Variants in IMMP2L observed in about 807,000 individuals in gnomAD.
The protein encoded by IMMP2L is mitochondrial inner membrane protease subunit 2.
In IMMP2L, 18 loss-of-function variants were observed where a neutral mutation model predicts 19.3. That is an observed-to-expected ratio of 0.93 (90% CI 0.64 to 1.38). The LOEUF (loss-of-function observed/expected upper bound fraction) is 1.38, where lower values mean the gene tolerates loss of function less well. Among genes scored for constraint, IMMP2L ranks in the 40% most tolerant of loss-of-function variants. The pLI is 0.00. For missense variants in IMMP2L, 233 were observed against 218.2 expected (o/e 1.07, Z -0.43); for synonymous variants, 76 against 73.0 (o/e 1.04, Z -0.21).
chr7:111,167,038 C>A (rs978405733), intron 3 of IMMP2L, among the ~76,000 whole-genome samples: 1 of 151,984 alleles, frequency 6.6e-6, no homozygotes, highest in Non-Finnish European at 1.5e-5. Context: ...ATTCAACCCA[C>A]TACACCACAG....
chr7:110,872,547 C>T (rs932974767), intron 5 of IMMP2L, among the ~76,000 whole-genome samples: 1 of 152,176 alleles, frequency 6.6e-6, no homozygotes, highest in Non-Finnish European at 1.5e-5. Context: ...TTCCATGGAG[C>T]TGCCATAATT....
intron 3 of IMMP2L, among the ~76,000 whole-genome samples, chr7:110,967,455 C>G (rs1819661990): frequency 6.6e-6 from 1 of 152,012 alleles, no homozygotes; most frequent in Non-Finnish European, 1.5e-5. Flanking sequence ...TAAGCATTCT[C>G]TTCTCCCATT....
chr7:110,810,156 T>C (rs1801931712), intron 5 of IMMP2L, among the ~76,000 whole-genome samples: 1 of 152,088 alleles, frequency 6.6e-6, no homozygotes, highest in South Asian at 2.1e-4. Context: ...TCTTAATTTC[T>C]TTCTTCTCAC....
At chr7:111,162,763 C>G (rs1474246013) in intron 3 of IMMP2L, among the ~76,000 whole-genome samples, 3 of 151,990 alleles carry the variant, frequency 2.0e-5, no homozygotes, top group East Asian at 1.9e-4. Context: ...CTGATCTCCG[C>G]TTGACTAAGC....
intron 3 of IMMP2L, among the ~76,000 whole-genome samples, chr7:111,259,119 A>G (rs1269274518): frequency 6.6e-6 from 1 of 152,120 alleles, no homozygotes; most frequent in East Asian, 1.9e-4. Flanking sequence ...GTCTAAACAT[A>G]GAAAAGGTAA....
rs528729266 is a variant in IMMP2L, at chr7:111,198,545, C to T, written c.240-234980G>A. Among the ~76,000 whole-genome samples the T allele has an allele frequency of 2.0e-5, 3 of 152,290 alleles. No individual in the cohort carries two copies. The East Asian group carries it at 5.8e-4, about 29-fold the overall frequency. On this transcript the variant is annotated intron_variant, in intron 3 of 5. Transcript: ENST00000405709. ...TGAAGCAGTGATTCATACTTTCCAG[C>T]ATGTATCACATGCTGCAATCAAACT...
At chr7:110,859,393 A>T (rs1013140837) in intron 5 of IMMP2L, among the ~76,000 whole-genome samples, 2 of 152,046 alleles carry the variant, frequency 1.3e-5, no homozygotes, top group East Asian at 3.9e-4. Flanking sequence ...AAAATATTTC[A>T]GAGCAAAATT....
At chr7:111,501,412 C>A (rs1268384673) in intron 2 of IMMP2L, among the ~76,000 whole-genome samples, 3 of 152,100 alleles carry the variant, frequency 2.0e-5, no homozygotes, top group Non-Finnish European at 4.4e-5. Flanking sequence ...GGATATTATC[C>A]AGGAGAACTT....
chr7:110,757,141 C>T lies in IMMP2L; in HGVS notation c.409-93420G>A, dbSNP rs553861401. 4.0e-5 allele frequency among the ~76,000 whole-genome samples: 6 copies of T among 151,860 alleles called. No homozygotes were observed. Among genetic ancestry groups the T allele is most frequent in the South Asian group, 4.2e-4 (2 of 4,818 alleles). On this transcript the variant is annotated intron_variant, in intron 5 of 5. Transcript: ENST00000405709. This position sits in a 1 kb window ranked among gnomAD's most constrained non-coding sequence, Gnocchi z 4.2. ...ATAGCATGTTAGTTAGATTGAAATA[C>T]GCGTAATGGAGAAAAATAAAGTCAG...
chr7:110,939,765 A>G (rs1816533118), intron 4 of IMMP2L, among the ~76,000 whole-genome samples: 1 of 152,200 alleles, frequency 6.6e-6, no homozygotes, highest in East Asian at 1.9e-4. Flanking sequence ...TATTCATTGC[A>G]TCAACAATAG....
intron 1 of IMMP2L, among the ~76,000 whole-genome samples, chr7:111,527,417 CA>C (rs1454755677): frequency 7.8e-5 from 7 of 89,526 alleles, no homozygotes; most frequent in South Asian, 3.6e-4. Flanking sequence ...ACCCTGTCTC[CA>C]AAAAGGGGGG....
chr7:110,875,919 C>G (rs184315657), intron 5 of IMMP2L, among the ~76,000 whole-genome samples: 1 of 152,098 alleles, frequency 6.6e-6, no homozygotes, highest in Admixed American at 6.6e-5. Context: ...TGAGTACGTC[C>G]TAATTTAAAT....
At chr7:111,086,533 T>C (rs565423587) in intron 3 of IMMP2L, among the ~76,000 whole-genome samples, 1 of 152,246 alleles carries the variant, frequency 6.6e-6, no homozygotes, top group South Asian at 2.1e-4. Context: ...CAAAACTCCT[T>C]TGAAAAAGAA....
At chr7:111,078,119 G>A (rs567129651) in intron 3 of IMMP2L, among the ~76,000 whole-genome samples, 3 of 152,048 alleles carry the variant, frequency 2.0e-5, no homozygotes, top group South Asian at 2.1e-4. Flanking sequence ...CCTATTTATC[G>A]TCTACCTCTT....
chr7:110,807,994 GT>G (rs1801745204), intron 5 of IMMP2L, among the ~76,000 whole-genome samples: 1 of 151,904 alleles, frequency 6.6e-6, no homozygotes, highest in Non-Finnish European at 1.5e-5. Context: ...TTACAAATGA[GT>G]TTGCTAAAAT....
rs955705985 is a variant in IMMP2L, at chr7:111,562,427, C to CG, written c.-580_-579insC. The CG allele has an allele frequency of 2.6e-5, 4 of 151,554 alleles. No individual in the cohort carries two copies. The highest frequency in any genetic ancestry group is 9.7e-5 in the African/African-American group (4 of 41,300). The allele number at this position is 151,554 out of a possible 1,614,324, so 9.4% of individuals were successfully genotyped here. A position where few individuals can be genotyped will look rare whatever the true frequency, so the allele number is the denominator to read the frequency against. Reference sequence around the variant, plus strand: ...GACCCCTGCCAGCCTCACAGCCCCCCACCCGCCGCCGGACGCCGGGCGCCC... The same window carrying CG: ...GACCCCTGCCAGCCTCACAGCCCCCCGACCCGCCGCCGGACGCCGGGCGCCC... On this transcript the variant is annotated 5_prime_UTR_variant, in exon 1 of 6. Coordinates refer to ENST00000405709, the MANE Select transcript of IMMP2L (RefSeq NM_032549.4).
intron 3 of IMMP2L, among the ~76,000 whole-genome samples, chr7:111,112,691 A>C (rs1042620095): frequency 1.3e-5 from 2 of 152,238 alleles, no homozygotes; most frequent in East Asian, 1.9e-4. Flanking sequence ...ACAGAGCATG[A>C]GGGAAATCTG....
At chr7:110,683,972 G>C (rs1340402644) in intron 5 of IMMP2L, among the ~76,000 whole-genome samples, 1 of 152,128 alleles carries the variant, frequency 6.6e-6, no homozygotes, top group East Asian at 1.9e-4. Context: ...CCATGGCTGG[G>C]ATGCTTTGTA....
chr7:110,825,287 A>G (rs1254881825), intron 5 of IMMP2L, among the ~76,000 whole-genome samples: 1 of 152,282 alleles, frequency 6.6e-6, no homozygotes, highest in East Asian at 1.9e-4. Flanking sequence ...ATTCCATGCC[A>G]TCCCCATCAA....
Sources: gnomAD v4.1 joint callset for allele counts (sites outside exome capture counted in the v4.1 genomes callset) on GRCh38, gnomAD v4.1.1 for gene constraint, Gnocchi (gnomAD v3.1) non-coding constraint, MANE v1.5 for transcripts, NCBI Gene and HGNC (gene_info 2026-07-23, HGNC 2026-07-21) for gene names.